The following STRAP variants were observed in gnomAD, a reference collection of about 807,000 sequenced individuals.
STRAP encodes the protein serine-threonine kinase receptor-associated protein.
Under a neutral mutation model 47.0 loss-of-function variants are expected in STRAP, and 16 were observed. The ratio of observed to expected loss-of-function variants is 0.34; its 90% CI spans 0.23 to 0.52. STRAP has a LOEUF of 0.52. Among genes scored for constraint, STRAP ranks in the 20% least tolerant of loss-of-function variants. The pLI is 0.96. For synonymous variants in STRAP, 130 were observed against 142.7 expected (o/e 0.91, Z 0.63); for missense variants, 293 against 420.0 (o/e 0.70, Z 2.64).
At chr12:15,895,285 C>A in intron 5 of STRAP, 74 bp from the exon 6 acceptor site, 4 of 1,132,162 alleles carry the variant, frequency 3.5e-6, no homozygotes, top group Non-Finnish European at 4.8e-6. Context: ...GTTGGCTAAT[C>A]TGCAGATGTA....
At position 15,896,728 on chromosome 12, in the gene STRAP, G is replaced by C. The variant is rs1344011608; in HGVS notation, c.639-1154G>C. Among the ~76,000 whole-genome samples the C allele has an allele frequency of 1.3e-5, 2 of 152,164 alleles. No homozygotes were observed. Among genetic ancestry groups the C allele is most frequent in the African/African-American group, 2.4e-5 (1 of 41,444 alleles). ...ACGGTGAATGTTCTAGCACATCTCTGAGTGTTTCTTTACAGTAGATAGGAT... is the reference window on the plus strand; with the variant it reads ...ACGGTGAATGTTCTAGCACATCTCTCAGTGTTTCTTTACAGTAGATAGGAT... On this transcript the variant is annotated intron_variant, in intron 6 of 9. Coordinates refer to ENST00000419869, the MANE Select transcript of STRAP (RefSeq NM_007178.4). The surrounding 1 kb of genome is among the most constrained non-coding windows in gnomAD (Gnocchi z 4.1).
intron 7 of STRAP, 37 bp downstream of exon 7, chr12:15,898,055 T>C: frequency 1.3e-6 from 2 of 1,571,814 alleles, no homozygotes. Context: ...GTTACCTTTA[T>C]CATATGTTAA....
In STRAP at chr12:15,882,484, T is replaced by G; in HGVS notation, c.-224T>G. The G allele has an allele frequency of 2.8e-6, 1 of 352,628 alleles. No homozygotes were observed. Among genetic ancestry groups the G allele is most frequent in the Non-Finnish European group, 5.5e-6 (1 of 182,724 alleles). 21.8% of individuals were successfully genotyped at this position (352,628 alleles called of 1,614,324 possible). A position where few individuals can be genotyped will look rare whatever the true frequency, so the allele number is the denominator to read the frequency against. ...TCCCCTACTTTCCTCCCTCCCTCCC[T>G]TTCCCTCCCTCGTCGACTGTTGCTT... On this transcript the variant is annotated 5_prime_UTR_variant, in exon 1 of 10. Coordinates refer to ENST00000419869, the MANE Select transcript of STRAP (RefSeq NM_007178.4).
At chr12:15,883,720 T>TTG (rs1947943579) in intron 2 of STRAP, 44 bp downstream of exon 2, 1 of 1,603,110 alleles carries the variant, frequency 6.2e-7, no homozygotes, top group Admixed American at 1.7e-5. Context: ...CTCTGTAGCT[T>TTG]GTGTCCTGAA....
chr12:15,883,139 A>G, intron 1 of STRAP: 1 of 1,535,622 alleles, frequency 6.5e-7, no homozygotes. Context: ...GCTTTCAAGG[A>G]TTTGGGGAAA....
At chr12:15,885,693 C>CT (rs1345451138) in intron 2 of STRAP, among the ~76,000 whole-genome samples, 1 of 152,094 alleles carries the variant, frequency 6.6e-6, no homozygotes, top group Non-Finnish European at 1.5e-5. Context: ...GTCTCAATGT[C>CT]TGTGTTTACA....
At chr12:15,882,848 A>C in intron 1 of STRAP, 29 bp downstream of exon 1, 1 of 1,591,926 alleles carries the variant, frequency 6.3e-7, no homozygotes, top group Non-Finnish European at 8.6e-7. Context: ...CTGGTCCTCG[A>C]CGGCTGGGAC....
intron 4 of STRAP, among the ~76,000 whole-genome samples, chr12:15,892,633 A>G (rs1473869699): frequency 6.6e-6 from 1 of 152,218 alleles, no homozygotes; most frequent in East Asian, 1.9e-4. Flanking sequence ...AATATTTTAC[A>G]TTTTAATGTT....
In STRAP at chr12:15,896,219, G is replaced by A. The variant is rs529060400; in HGVS notation, c.638+723G>A. The stretch of plus-strand genomic sequence containing the variant: ...ACTGCATTCCAGCCTGGGTAACAGA[G>A]TGAGACTCTGTCTCAAAAAAAACAA... On this transcript the variant is annotated intron_variant, in intron 6 of 9. Transcript: ENST00000419869. The surrounding 1 kb of genome is among the most constrained non-coding windows in gnomAD (Gnocchi z 4.1). Among the ~76,000 whole-genome samples, 12 of 152,162 alleles carry A rather than the reference G, an allele frequency of 7.9e-5. No homozygotes were observed. The highest frequency in any genetic ancestry group is 1.3e-4 in the Non-Finnish European group (9 of 68,006).
Position 15,883,620 on chromosome 12 carries a change from T to C in STRAP, c.192T>C (p.Gly64=). The change falls in exon 2 of 10, where the codon GGT becomes GGC. Residue 64 remains glycine (G), a synonymous_variant. Coordinates refer to ENST00000419869, the MANE Select transcript of STRAP (RefSeq NM_007178.4). ...TGGGTCATAAAGGTGCTGTTTGGGG[T>C]GCAACACTGAATAAGGATGCCACCA... ...TFLGHKGAVW[G]ATLNKDATKA... The C allele has an allele frequency of 6.2e-7, 1 of 1,614,154 alleles. No homozygotes were observed. Among genetic ancestry groups the C allele is most frequent in the Non-Finnish European group, 8.5e-7 (1 of 1,180,022 alleles).
At chr12:15,895,336 A>G (rs1272300463) in intron 5 of STRAP, 23 bp from the exon 6 acceptor site, 2 of 1,500,330 alleles carry the variant, frequency 1.3e-6, no homozygotes, top group Non-Finnish European at 1.8e-6. Context: ...AGTAAACATC[A>G]TATTTTTATC....
intron 9 of STRAP, among the ~76,000 whole-genome samples, chr12:15,901,860 CAAAAA>C (rs71042273): frequency 2.3e-5 from 2 of 87,768 alleles, no homozygotes; most frequent in African/African-American, 4.3e-5. Context: ...GACTCTGTCT[CAAAAA>C]AAAAAAAAAA....
At chr12:15,901,039 AAG>A (rs1491516968) in intron 9 of STRAP, 27 bp downstream of exon 9, 1 of 1,560,148 alleles carries the variant, frequency 6.4e-7, no homozygotes, top group Non-Finnish European at 8.7e-7. Context: ...TGACTTTTGT[AAG>A]AGTCTTGGGG....
Position 15,899,944 on chromosome 12 carries a change from A to G in STRAP, c.816A>G (p.Arg272=). The stretch of plus-strand genomic sequence containing the variant: ...ACTTTGGTCCTATTCACTGTGTGAG[A>G]TTTAGTCCTGATGGAGAACTCTATG... The part of the protein sequence containing the change: ...KGHFGPIHCV[R]FSPDGELYAS... Residue 272 remains arginine (R), a synonymous_variant, in exon 8 of 10, where the codon AGA becomes AGG. Transcript: ENST00000419869. 6.2e-7 allele frequency: 1 copy of G among 1,613,476 alleles called. No homozygotes were observed. Among genetic ancestry groups the G allele is most frequent in the Non-Finnish European group, 8.5e-7 (1 of 1,179,778 alleles).
intron 6 of STRAP, among the ~76,000 whole-genome samples, chr12:15,897,116 G>A (rs1948065727): frequency 6.6e-6 from 1 of 152,214 alleles, no homozygotes. Context: ...GAGCCAGCAA[G>A]TTGCTATGTA....
rs768179825 is a variant in STRAP, at chr12:15,895,431, T to C, written c.573T>C (p.Tyr191=). Residue 191 remains tyrosine (Y), a synonymous_variant, in exon 6 of 10, where the codon TAT becomes TAC. Coordinates refer to ENST00000419869, the MANE Select transcript of STRAP (RefSeq NM_007178.4). ...ATATGTCTGTTAGTAGTATGGAATA[T>C]ATTCCTGAGGGAGAGATTTTGGTTA... ...NFNMSVSSME[Y]IPEGEILVIT... 1.9e-6 allele frequency: 3 copies of C among 1,608,104 alleles called. No individual in the cohort carries two copies. The highest frequency in any genetic ancestry group is 2.7e-5 in the African/African-American group (2 of 74,532).
rs888209701 is a variant in STRAP, at chr12:15,903,268, T to A, written c.*290T>A. On this transcript the variant is annotated 3_prime_UTR_variant, in exon 10 of 10. Transcript: ENST00000419869. ...CAATTTCTATTATTACAATTAGGGT[T>A]CTTGTAGCTGTTTATGTTAATATGG... 4 of 248,156 alleles carry A rather than the reference T, an allele frequency of 1.6e-5. No homozygotes were observed. Among genetic ancestry groups the A allele is most frequent in the Non-Finnish European group, 3.0e-5 (4 of 132,316 alleles). The allele number at this position is 248,156 out of a possible 1,614,324, so 15.4% of individuals were successfully genotyped here.
intron 2 of STRAP, 77 bp from the exon 3 acceptor site, chr12:15,889,851 C>T: frequency 8.5e-7 from 1 of 1,172,628 alleles, no homozygotes; most frequent in Non-Finnish European, 1.2e-6. Flanking sequence ...TGGTACTCAT[C>T]AATATTATAA....
rs754134145 is a variant in STRAP at position 15,895,478 on chromosome 12, C to G, written c.620C>G (p.Ala207Gly). 3 of 1,604,826 alleles carry G rather than the reference C, an allele frequency of 1.9e-6. No individual in the cohort carries two copies. In the Admixed American group the frequency reaches 5.2e-5, roughly 28 times the overall value. The change falls in exon 6 of 10, where the codon GCT becomes GGT. Residue 207 changes from alanine (A) to glycine (G), a missense_variant. Physicochemically the swap from Ala to Gly is moderately conservative, Grantham distance 60. Coordinates refer to ENST00000419869, the MANE Select transcript of STRAP (RefSeq NM_007178.4). Reference protein sequence around the residue: ...ILVITYGRSIAFHSAVSLDPI... With the variant: ...ILVITYGRSIGFHSAVSLDPI... ...GTTATAACTTATGGACGATCTATTG[C>G]TTTTCATAGTGCAGTAAGGTATGTC...
Sources: gnomAD v4.1 joint callset for allele counts (sites outside exome capture counted in the v4.1 genomes callset) on GRCh38, gnomAD v4.1.1 for gene constraint, Gnocchi (gnomAD v3.1) non-coding constraint, MANE v1.5 for transcripts, NCBI Gene and HGNC (gene_info 2026-07-23, HGNC 2026-07-21) for gene names.